The following GABRR3 variants were observed in gnomAD, a reference collection of about 807,000 sequenced individuals.
GABRR3 encodes gamma-aminobutyric acid receptor subunit rho-3.
GABRR3 carries 29 observed loss-of-function variants against 43.2 expected under a neutral mutation model. The ratio of observed to expected loss-of-function variants is 0.67; its 90% CI spans 0.50 to 0.92. The LOEUF (loss-of-function observed/expected upper bound fraction) is 0.92. Ranked by LOEUF, GABRR3 falls within the 40% of genes least tolerant of loss-of-function variation. GABRR3 has a pLI of 0.00. For missense variants in GABRR3, 576 were observed against 572.3 expected (o/e 1.01, Z -0.07); for synonymous variants, 206 against 195.9 (o/e 1.05, Z -0.43).
chr3:98,010,765 T>G (rs1440511715), intron 5 of GABRR3, among the ~76,000 whole-genome samples: 2 of 152,196 alleles, frequency 1.3e-5, no homozygotes, highest in Non-Finnish European at 2.9e-5. Flanking sequence ...TGTTGAGACT[T>G]GACTCCAGTA....
chr3:98,011,142 C>T (rs2107238746), intron 5 of GABRR3, among the ~76,000 whole-genome samples: 1 of 152,242 alleles, frequency 6.6e-6, no homozygotes, highest in African/African-American at 2.4e-5. Flanking sequence ...TGATATTTTC[C>T]TTTAATTGCA....
At chr3:98,012,815 G>A (rs989621021) in intron 4 of GABRR3, among the ~76,000 whole-genome samples, 2 of 152,146 alleles carry the variant, frequency 1.3e-5, no homozygotes, top group Admixed American at 6.5e-5. Context: ...GTTGGGGAAG[G>A]GGAACCAGGT....
intron 3 of GABRR3, among the ~76,000 whole-genome samples, chr3:98,020,140 T>C (rs1257845721): frequency 6.6e-6 from 1 of 152,164 alleles, no homozygotes; most frequent in Non-Finnish European, 1.5e-5. Context: ...AGCGGCAGAA[T>C]GTCCCAAATG....
chr3:98,022,191 CA>C (rs1185103292), intron 3 of GABRR3, among the ~76,000 whole-genome samples: 4 of 151,994 alleles, frequency 2.6e-5, no homozygotes, highest in East Asian at 1.9e-4. Flanking sequence ...AAAACTAAAA[CA>C]AAAAAGCCCT....
intron 3 of GABRR3, among the ~76,000 whole-genome samples, chr3:98,021,969 C>T (rs1706954271): frequency 6.6e-6 from 1 of 152,158 alleles, no homozygotes; most frequent in African/African-American, 2.4e-5. Context: ...GGAGTGCATA[C>T]TCAGAGAGGT....
chr3:98,013,981 A>C (rs1235645340), intron 4 of GABRR3, among the ~76,000 whole-genome samples: 1 of 152,168 alleles, frequency 6.6e-6, no homozygotes, highest in Non-Finnish European at 1.5e-5. Context: ...TTCTGGGAGG[A>C]GGGTGAGACA....
intron 2 of GABRR3, among the ~76,000 whole-genome samples, chr3:98,026,825 G>A (rs997689663): frequency 2.0e-5 from 3 of 152,062 alleles, no homozygotes; most frequent in Admixed American, 1.3e-4. Context: ...AAGTGACTTC[G>A]ATGGGGAGAA....
chr3:98,013,589 T>A (rs1706835513), intron 4 of GABRR3, among the ~76,000 whole-genome samples: 1 of 152,236 alleles, frequency 6.6e-6, no homozygotes, highest in African/African-American at 2.4e-5. Context: ...AACTTTGGCA[T>A]TTATTATACA....
At chr3:98,001,887 A>C in intron 7 of GABRR3, 120 bp from the exon 8 acceptor site, 2 of 1,024,156 alleles carry the variant, frequency 2.0e-6, no homozygotes, top group South Asian at 1.6e-5. Flanking sequence ...TGACAAACTC[A>C]TCTCCATTTA....
At chr3:98,031,043 T>C (rs1439058637) in intron 2 of GABRR3, among the ~76,000 whole-genome samples, 1 of 152,216 alleles carries the variant, frequency 6.6e-6, no homozygotes, top group East Asian at 1.9e-4. Flanking sequence ...AGAGAAAACG[T>C]GGTACATCAG....
upstream of GABRR3, chr3:98,035,315 C>T (rs549458703): frequency 6.3e-5 from 15 of 238,242 alleles, no homozygotes; most frequent in East Asian, 1.0e-3. Flanking sequence ...AAACCCTCAG[C>T]GGCAGTCCTA....
At chr3:98,010,680 T>C (rs887336108) in intron 5 of GABRR3, among the ~76,000 whole-genome samples, 8 of 152,234 alleles carry the variant, frequency 5.3e-5, no homozygotes, top group Non-Finnish European at 8.8e-5. Flanking sequence ...AATTATTTAC[T>C]GGACCTCCCC....
At chr3:98,003,341 G>A (rs1316804629) in intron 7 of GABRR3, among the ~76,000 whole-genome samples, 1 of 149,968 alleles carries the variant, frequency 6.7e-6, no homozygotes, top group Non-Finnish European at 1.5e-5. Flanking sequence ...ATAGTTTTCT[G>A]TTCATTATTA....
chr3:98,009,041 AT>A lies in GABRR3; in HGVS notation c.531-4del. The A allele has an allele frequency of 2.5e-6, 4 of 1,592,920 alleles. No homozygotes were observed. The highest frequency in any genetic ancestry group is 3.4e-6 in the Non-Finnish European group (4 of 1,167,504). ...AGCACATGGCCGAAACCGTTATCCT[AT>A]AAAAAGAATGAGAAAAAGAAAACTG... is the stretch of plus-strand genomic sequence containing the variant. On this transcript the variant is annotated splice_polypyrimidine_tract_variant and splice_region_variant and intron_variant, in intron 5 of 9. Transcript: ENST00000621172.
intron 2 of GABRR3, among the ~76,000 whole-genome samples, chr3:98,032,580 C>A (rs575476241): frequency 1.3e-5 from 2 of 152,126 alleles, no homozygotes; most frequent in African/African-American, 4.8e-5. Context: ...CATTTTCCAC[C>A]TGCCATAACT....
chr3:97,987,618 C>T (rs1706404863), intron 9 of GABRR3, among the ~76,000 whole-genome samples: 1 of 152,084 alleles, frequency 6.6e-6, no homozygotes, highest in Admixed American at 6.5e-5. Flanking sequence ...ATAAATGCTG[C>T]CAAAACATGT....
At chr3:98,003,604 C>T (rs996567514) in intron 7 of GABRR3, among the ~76,000 whole-genome samples, 7 of 151,914 alleles carry the variant, frequency 4.6e-5, no homozygotes, top group Non-Finnish European at 8.8e-5. Context: ...TTGGGTAGTA[C>T]AATAAAAAGT....
At chr3:98,014,776 G>T (rs1376446832) in intron 4 of GABRR3, among the ~76,000 whole-genome samples, 3 of 152,046 alleles carry the variant, frequency 2.0e-5, no homozygotes, top group Non-Finnish European at 4.4e-5. Flanking sequence ...ATGAATTAAG[G>T]ATATAGATGA....
intron 2 of GABRR3, among the ~76,000 whole-genome samples, chr3:98,029,028 G>GA (rs139176983): frequency 0.014 from 2,055 of 148,560 alleles, 32 homozygotes; most frequent in African/African-American, 0.045. Context: ...CCCCATTCTA[G>GA]AAAAAAAAAA....
Sources: allele counts gnomAD v4.1 joint callset (sites outside exome capture counted in the v4.1 genomes callset), GRCh38; gene constraint gnomAD v4.1.1; transcripts MANE v1.5; gene names NCBI Gene and HGNC (gene_info 2026-07-23, HGNC 2026-07-21).